PCDHA4: variants seen among roughly 807,000 people sequenced by gnomAD.
The protein encoded by PCDHA4 is protocadherin alpha-4.
Under a neutral mutation model 61.4 loss-of-function variants are expected in PCDHA4, and 49 were observed. That is an observed-to-expected ratio of 0.80 (90% CI 0.63 to 1.01). The LOEUF is 1.01. Among genes scored for constraint, PCDHA4 ranks in the 50% least tolerant of loss-of-function variants. The pLI, the probability that PCDHA4 is intolerant of heterozygous loss-of-function variation, is 0.00. For synonymous variants in PCDHA4, 590 were observed against 550.3 expected (o/e 1.07, Z -1.01); for missense variants, 1,254 against 1,235.8 (o/e 1.01, Z -0.22).
intron 1 of PCDHA4, chr5:140,881,384 G>T (rs1299609025): frequency 2.0e-6 from 2 of 984,186 alleles, no homozygotes; most frequent in Non-Finnish European, 2.4e-6. Flanking sequence ...GCCGGCGGCG[G>T]TAAGTTAAAT....
chr5:140,877,544 C>T (rs782624202), intron 1 of PCDHA4: 2 of 1,613,794 alleles, frequency 1.2e-6, no homozygotes, highest in Non-Finnish European at 1.7e-6. Context: ...GATCCCGAAG[C>T]GGCTCTGGTG....
intron 1 of PCDHA4, among the ~76,000 whole-genome samples, chr5:140,885,128 T>A (rs2060480813): frequency 6.6e-6 from 1 of 152,222 alleles, no homozygotes; most frequent in Non-Finnish European, 1.5e-5. Context: ...CTTTTCTTTC[T>A]TTCTTTTTTT....
In PCDHA4 at chr5:141,010,093, T is replaced by A. The variant is rs2098416026; in HGVS notation, c.*156T>A. On this transcript the variant is annotated 3_prime_UTR_variant, in exon 4 of 4. Transcript: ENST00000530339. The stretch of plus-strand genomic sequence containing the variant: ...TTCCCTGTGTCTGTCTAGAACGCAT[T>A]TAACAGGTTTTGTCGTAAAAGCTTT... 4 of 1,612,692 alleles carry A rather than the reference T, an allele frequency of 2.5e-6. No homozygotes were observed. Among genetic ancestry groups the A allele is most frequent in the Non-Finnish European group, 3.4e-6 (4 of 1,179,392 alleles).
At chr5:140,934,511 T>C (rs999288213) in intron 1 of PCDHA4, among the ~76,000 whole-genome samples, 1 of 152,210 alleles carries the variant, frequency 6.6e-6, no homozygotes, top group East Asian at 1.9e-4. Context: ...AAAGGGTCCA[T>C]AGACCACACT....
intron 3 of PCDHA4, among the ~76,000 whole-genome samples, chr5:141,004,953 G>A (rs1409171628): frequency 7.2e-5 from 11 of 152,166 alleles, no homozygotes; most frequent in African/African-American, 2.4e-4. Context: ...ACCCTCTCTC[G>A]TCACTGCCTG....
intron 1 of PCDHA4, among the ~76,000 whole-genome samples, chr5:140,892,427 C>T (rs1429226685): frequency 6.6e-6 from 1 of 152,170 alleles, no homozygotes; most frequent in Admixed American, 6.5e-5. Flanking sequence ...GATAAAACCT[C>T]ATTATCTAAA....
chr5:140,982,035 A>G (rs950479755), intron 2 of PCDHA4, among the ~76,000 whole-genome samples: 2 of 152,280 alleles, frequency 1.3e-5, no homozygotes, highest in Admixed American at 1.3e-4. Context: ...CAATACTCCA[A>G]TTATCAGAAA....
At chr5:140,894,414 C>A (rs1554186083) in intron 1 of PCDHA4, among the ~76,000 whole-genome samples, 2 of 151,928 alleles carry the variant, frequency 1.3e-5, no homozygotes, top group African/African-American at 4.8e-5. Flanking sequence ...TCTTTTGTAG[C>A]TAACACTCCT....
intron 1 of PCDHA4, among the ~76,000 whole-genome samples, chr5:140,919,535 ACTTTT>A (rs1310340464): frequency 1.3e-5 from 2 of 151,732 alleles, no homozygotes; most frequent in Non-Finnish European, 2.9e-5. Flanking sequence ...TTTTTCCTAT[ACTTTT>A]CATTTACTGA....
In PCDHA4 at chr5:140,809,228, C is replaced by T. The variant is rs1764400715; in HGVS notation, c.2041C>T (p.Arg681Trp). 1.9e-6 allele frequency: 3 copies of T among 1,613,954 alleles called. No individual in the cohort carries two copies. The highest frequency in any genetic ancestry group is 1.7e-5 in the Admixed American group (1 of 60,016). The change falls in exon 1 of 4, where the codon CGG becomes TGG. Residue 681 changes from arginine (R) to tryptophan (W), a missense_variant. Physicochemically the swap from Arg to Trp is moderately radical, Grantham distance 101. Transcript: ENST00000530339. ...TGGACAGGCGCCAAAGGCCTCCTCA[C>T]GGGCGTTGGTGGGCGCTGTGGGTCC... ...ESGQAPKASS[R>W]ALVGAVGPDA...
At chr5:140,828,013 T>A in intron 1 of PCDHA4, 1 of 1,508,370 alleles carries the variant, frequency 6.6e-7, no homozygotes, top group Admixed American at 2.2e-5. Flanking sequence ...AAGAAATGGA[T>A]TAATAAATTC....
rs369786229 is a variant in PCDHA4 at position 140,858,286 on chromosome 5, G to T, written c.2385+48714G>T. ...TGTGCTCTAGCGCGGTGGGGAGCTGGTCTTACTCGCAGCAGAGGCGGCAGA... is the reference window on the plus strand; with the variant it reads ...TGTGCTCTAGCGCGGTGGGGAGCTGTTCTTACTCGCAGCAGAGGCGGCAGA... On this transcript the variant is annotated intron_variant, in intron 1 of 3. Coordinates refer to ENST00000530339, the MANE Select transcript of PCDHA4 (RefSeq NM_018907.4). 5.0e-6 allele frequency: 8 copies of T among 1,597,506 alleles called. 1 individual carries two copies. Among genetic ancestry groups the T allele is most frequent in the Non-Finnish European group, 6.9e-6 (8 of 1,167,336 alleles).
intron 1 of PCDHA4, chr5:140,871,341 C>G (rs2053000377): frequency 6.2e-7 from 1 of 1,614,188 alleles, no homozygotes; most frequent in African/African-American, 1.3e-5. Context: ...CGGTGGGGAG[C>G]TGGTCATACT....
intron 1 of PCDHA4, chr5:140,968,752 C>T: frequency 6.2e-7 from 1 of 1,614,094 alleles, no homozygotes; most frequent in Non-Finnish European, 8.5e-7. Context: ...CCGTGGTGGT[C>T]CGAGATAATG....
chr5:141,006,233 A>G (rs1311441986), intron 3 of PCDHA4, among the ~76,000 whole-genome samples: 2 of 151,044 alleles, frequency 1.3e-5, no homozygotes, highest in African/African-American at 4.9e-5. Flanking sequence ...TTATTTTTAG[A>G]TGGAGTCTTG....
At chr5:140,841,430 G>C in intron 1 of PCDHA4, 5 of 1,612,964 alleles carry the variant, frequency 3.1e-6, no homozygotes, top group Non-Finnish European at 4.2e-6. Flanking sequence ...CTCCGTCCCC[G>C]AGGAGGCCAA....
At chr5:140,829,723 T>C in intron 1 of PCDHA4, 2 of 1,613,596 alleles carry the variant, frequency 1.2e-6, no homozygotes, top group Non-Finnish European at 1.7e-6. Flanking sequence ...GCGTGCCGCC[T>C]CTGGGCAGCA....
At chr5:140,836,611 G>T (rs1554136131) in intron 1 of PCDHA4, 2 of 1,613,590 alleles carry the variant, frequency 1.2e-6, no homozygotes, top group East Asian at 4.5e-5. Context: ...GTGTGCTCCA[G>T]CGCGGTGGGG....
At chr5:140,949,963 A>G (rs1044562957) in intron 1 of PCDHA4, among the ~76,000 whole-genome samples, 1 of 151,750 alleles carries the variant, frequency 6.6e-6, no homozygotes, top group African/African-American at 2.4e-5. Context: ...TGCTGTAAGG[A>G]TTACAGCATA....
Sources: allele counts gnomAD v4.1 joint callset (sites outside exome capture counted in the v4.1 genomes callset), GRCh38; gene constraint gnomAD v4.1.1; transcripts MANE v1.5; gene names NCBI Gene and HGNC (gene_info 2026-07-23, HGNC 2026-07-21).